KLHDC10: variants seen among roughly 807,000 people sequenced by gnomAD.
KLHDC10 encodes kelch domain-containing protein 10.
Under a neutral mutation model 56.1 loss-of-function variants are expected in KLHDC10, and 24 were observed. That is an observed-to-expected ratio of 0.43 (90% CI 0.31 to 0.60). KLHDC10 has a LOEUF of 0.60. KLHDC10 is among the 20% of genes least tolerant of loss of function. The pLI, the probability that KLHDC10 is intolerant of heterozygous loss-of-function variation, is 0.11. For missense variants in KLHDC10, 349 were observed against 567.0 expected, an observed-to-expected ratio of 0.62 and a Z score of 3.91; for synonymous variants, 188 against 207.1, an observed-to-expected ratio of 0.91 and a Z score of 0.79.
chr7:130,070,856 C>T, intron 1 of KLHDC10, 47 bp downstream of exon 1: 1 of 1,266,676 alleles, frequency 7.9e-7, no homozygotes, highest in East Asian at 2.8e-5. Flanking sequence ...GGGAAGGTGA[C>T]TGCTACCTTT....
At chr7:130,117,964 A>T (rs1461619742) in intron 3 of KLHDC10, among the ~76,000 whole-genome samples, 1 of 151,098 alleles carries the variant, frequency 6.6e-6, no homozygotes, top group East Asian at 1.9e-4. Context: ...GGAGTTTGAG[A>T]CCCAGCCTGG....
intron 2 of KLHDC10, among the ~76,000 whole-genome samples, chr7:130,108,127 G>A (rs1006278601): frequency 6.6e-6 from 1 of 151,560 alleles, no homozygotes; most frequent in African/African-American, 2.4e-5. Flanking sequence ...TACTCCAGAC[G>A]CTGAGGTGGG....
chr7:130,092,358 A>C (rs898789672), intron 1 of KLHDC10, among the ~76,000 whole-genome samples: 13 of 152,216 alleles, frequency 8.5e-5, no homozygotes, highest in African/African-American at 3.1e-4. Context: ...TTGTGTCTTA[A>C]CTTTTTAATA....
intron 4 of KLHDC10, 137 bp downstream of exon 4, chr7:130,121,040 C>G: frequency 1.2e-6 from 1 of 805,414 alleles, no homozygotes; most frequent in Non-Finnish European, 1.9e-6. Flanking sequence ...TTTTTTAGTT[C>G]TGATATGAAA....
chr7:130,077,555 CTTT>C (rs1374918216), intron 1 of KLHDC10, among the ~76,000 whole-genome samples: 2 of 108,108 alleles, frequency 1.8e-5, no homozygotes, highest in African/African-American at 3.5e-5. Flanking sequence ...CTTTTTCTTT[CTTT>C]TTTTTTTTTT....
intron 2 of KLHDC10, among the ~76,000 whole-genome samples, chr7:130,106,232 T>C (rs916925830): frequency 1.3e-5 from 2 of 152,118 alleles, no homozygotes; most frequent in Admixed American, 1.3e-4. Flanking sequence ...ATAAAAGGAG[T>C]TAAATTTAAA....
intron 2 of KLHDC10, among the ~76,000 whole-genome samples, chr7:130,099,025 CT>C (rs1461204565): frequency 6.6e-6 from 1 of 152,200 alleles, no homozygotes; most frequent in Admixed American, 6.5e-5. Context: ...TAGTGGCCTT[CT>C]TTTAGTTCTC....
intron 1 of KLHDC10, among the ~76,000 whole-genome samples, chr7:130,094,265 C>G (rs541604674): frequency 6.6e-6 from 1 of 152,134 alleles, no homozygotes; most frequent in South Asian, 2.1e-4. Flanking sequence ...CAGTGTTACT[C>G]CAAAGTAGTT....
Position 130,082,639 on chromosome 7 carries a change from C to T in KLHDC10, c.166+11830C>T, listed in dbSNP as rs577821780. ...CTAGCTGGTGGCCTATTTTACTTCT[C>T]TCTGTTACAGCCAGGCTTTCAGAAA... On this transcript the variant is annotated intron_variant, in intron 1 of 9. Coordinates refer to ENST00000335420, the MANE Select transcript of KLHDC10 (RefSeq NM_014997.4). Among the ~76,000 whole-genome samples, 13 of 152,334 alleles carry T rather than the reference C, an allele frequency of 8.5e-5. No individual in the cohort carries two copies. In the South Asian group the frequency reaches 2.5e-3, roughly 29 times the overall value.
intron 9 of KLHDC10, among the ~76,000 whole-genome samples, chr7:130,129,912 G>C (rs566719968): frequency 6.6e-6 from 1 of 152,026 alleles, no homozygotes; most frequent in Non-Finnish European, 1.5e-5. Flanking sequence ...GAAGGCAAAG[G>C]CCTTTATTTT....
rs1584638722 is a variant in KLHDC10 at position 130,122,318 on chromosome 7, T to C, written c.779+116T>C. ...CCCAGTTAGAATAACTAACTGGCTG[T>C]TGGATGTTAGATCTCAGGTAAATAG... On this transcript the variant is annotated intron_variant, in intron 5 of 9. Coordinates refer to ENST00000335420, the MANE Select transcript of KLHDC10 (RefSeq NM_014997.4). 7 of 945,342 alleles carry C rather than the reference T, an allele frequency of 7.4e-6. No homozygotes were observed. The East Asian group carries it at 1.8e-4, about 24-fold the overall frequency. The allele number at this position is 945,342 out of a possible 1,614,324, so 58.6% of individuals were successfully genotyped here.
intron 9 of KLHDC10, 66 bp downstream of exon 9, chr7:130,129,642 T>A (rs928832520): frequency 8.0e-6 from 12 of 1,502,478 alleles, no homozygotes; most frequent in Admixed American, 4.3e-5. Flanking sequence ...TTTAGAGATA[T>A]TAGCAAGAAA....
intron 6 of KLHDC10, among the ~76,000 whole-genome samples, chr7:130,125,630 C>G (rs1796305808): frequency 6.6e-6 from 1 of 152,044 alleles, no homozygotes; most frequent in Non-Finnish European, 1.5e-5. Context: ...TTGGAAAGAT[C>G]AGAAAAAAAG....
rs182828632 is a variant in KLHDC10 at position 130,099,383 on chromosome 7, A to C, written c.253+2376A>C. 3.3e-4 allele frequency among the ~76,000 whole-genome samples: 51 copies of C among 152,324 alleles called. No individual in the cohort carries two copies. The East Asian group carries it at 8.7e-3, about 26-fold the overall frequency. On this transcript the variant is annotated intron_variant, in intron 2 of 9. Coordinates refer to ENST00000335420, the MANE Select transcript of KLHDC10 (RefSeq NM_014997.4). ...GATCTAAGTAATAGAGAATCAGGTAAACAGACAATTACAGAATAATTTGAG... is the reference window on the plus strand; with the variant it reads ...GATCTAAGTAATAGAGAATCAGGTACACAGACAATTACAGAATAATTTGAG...
chr7:130,075,638 A>G (rs961842150), intron 1 of KLHDC10, among the ~76,000 whole-genome samples: 1 of 152,238 alleles, frequency 6.6e-6, no homozygotes, highest in African/African-American at 2.4e-5. Context: ...CTATACATAT[A>G]TAACTTTTGC....
chr7:130,118,245 AACTTGCTGTAGCTTCTGCATCAGC>A (rs1796197988), intron 3 of KLHDC10, among the ~76,000 whole-genome samples: 1 of 152,226 alleles, frequency 6.6e-6, no homozygotes, highest in Non-Finnish European at 1.5e-5. Flanking sequence ...TCTTCTGGAT[AACTTGCTGTAGCTTCTGCATCAGC>A]ACTTGCTGCT....
At chr7:130,070,912 G>C (rs1479926484) in intron 1 of KLHDC10, 103 bp downstream of exon 1, 2 of 807,398 alleles carry the variant, frequency 2.5e-6, no homozygotes, top group Non-Finnish European at 3.4e-6. Context: ...GGAAAGGCAG[G>C]CCCCACGCAT....
chr7:130,084,638 G>A (rs1449423550), intron 1 of KLHDC10, among the ~76,000 whole-genome samples: 5 of 152,168 alleles, frequency 3.3e-5, no homozygotes, highest in Middle Eastern at 3.4e-3. Context: ...TCAGCTGGGC[G>A]TGGTGGCGCG....
At chr7:130,125,121 A>G (rs11766167) in intron 6 of KLHDC10, among the ~76,000 whole-genome samples, 73,529 of 152,080 alleles carry the variant, frequency 0.48, 18,372 homozygotes, top group African/African-American at 0.6. Context: ...GCTTTTTTCT[A>G]TTATAAAAAT....
Sources: gnomAD v4.1 joint callset for allele counts (sites outside exome capture counted in the v4.1 genomes callset) on GRCh38, gnomAD v4.1.1 for gene constraint, MANE v1.5 for transcripts, NCBI Gene and HGNC (gene_info 2026-07-23, HGNC 2026-07-21) for gene names.